PTPRT: variants seen among roughly 807,000 people sequenced by gnomAD.
The protein encoded by PTPRT is protein tyrosine phosphatase receptor type T.
A neutral mutation model predicts 176.8 loss-of-function variants in PTPRT; 56 were observed. That is an observed-to-expected ratio of 0.32 (90% CI 0.26 to 0.40). The LOEUF (loss-of-function observed/expected upper bound fraction) is 0.40, where lower values mean the gene tolerates loss of function less well. PTPRT is among the 10% of genes least tolerant of loss of function. PTPRT has a pLI of 1.00. For synonymous variants in PTPRT, 783 were observed against 739.0 expected (o/e 1.06, Z -0.96); for missense variants, 1,540 against 1,908.2 (o/e 0.81, Z 3.60).
intron 6 of PTPRT, among the ~76,000 whole-genome samples, chr20:42,754,675 G>C (rs2145398332): frequency 6.6e-6 from 1 of 152,310 alleles, no homozygotes; most frequent in South Asian, 2.1e-4. Flanking sequence ...AACATTTAAT[G>C]TAAACAAATT....
At chr20:43,147,634 A>T (rs772090929) in intron 1 of PTPRT, among the ~76,000 whole-genome samples, 1 of 152,210 alleles carries the variant, frequency 6.6e-6, no homozygotes, top group Non-Finnish European at 1.5e-5. Context: ...TCAAGTCTAT[A>T]TTGGAGAATT....
chr20:42,067,625 C>T, the PTPRT span, among the ~76,000 whole-genome samples: 5 of 152,152 alleles, frequency 3.3e-5, no homozygotes, highest in African/African-American at 1.2e-4. Context: ...TATGAGATGG[C>T]AGGACTCCTG....
intron 6 of PTPRT, among the ~76,000 whole-genome samples, chr20:42,742,837 GAGGCTCAGTCACGTGC>G (rs1366613192): frequency 6.6e-6 from 1 of 152,178 alleles, no homozygotes; most frequent in Middle Eastern, 3.2e-3. Context: ...TGGAGAAACT[GAGGCTCAGTCACGTGC>G]AGAGTTGCAT....
chr20:42,533,062 C>T (rs1031351096), intron 7 of PTPRT, among the ~76,000 whole-genome samples: 4 of 152,162 alleles, frequency 2.6e-5, no homozygotes, highest in Admixed American at 2.0e-4. Flanking sequence ...CTAAATGATC[C>T]TAAATGGCCT....
chr20:42,288,621 A>AT (rs1270961337), intron 12 of PTPRT, among the ~76,000 whole-genome samples: 1 of 151,782 alleles, frequency 6.6e-6, no homozygotes, highest in Admixed American at 6.6e-5. Context: ...GTGGCATTTG[A>AT]TTTTCTCTTT....
chr20:42,084,798 C>T lies in PTPRT; in HGVS notation c.4020G>A (p.Trp1340Ter). The T allele has an allele frequency of 6.5e-7, 1 of 1,547,408 alleles. No homozygotes were observed. The highest frequency in any genetic ancestry group is 1.3e-5 in the South Asian group (1 of 76,550). Residue 1340 changes from tryptophan (W) to a stop codon, truncating the protein, a stop_gained, in exon 29 of 31, where the codon TGG becomes TGA. Coordinates refer to ENST00000373187, the MANE Select transcript of PTPRT (RefSeq NM_007050.6). LOFTEE classifies it high-confidence loss of function. The stretch of plus-strand genomic sequence containing the variant: ...AGGGGGGCGTGTCCCGGTAGGCAGG[C>T]CAGCCAATGTACTGGAGGTGCTGGA... The part of the protein sequence containing the change: ...RIVQHLQYIG[W>*]PAYRDTPPSK...
chr20:42,760,539 G>A (rs922826611), intron 5 of PTPRT, among the ~76,000 whole-genome samples: 1 of 152,036 alleles, frequency 6.6e-6, no homozygotes, highest in African/African-American at 2.4e-5. Flanking sequence ...AGCTGAGCTT[G>A]ATAAACATTT....
intron 8 of PTPRT, among the ~76,000 whole-genome samples, chr20:42,452,042 G>A (rs11907808): frequency 0.14 from 21,773 of 152,138 alleles, 1,721 homozygotes; most frequent in Middle Eastern, 0.19. Flanking sequence ...AGGCCAAGGC[G>A]GGCAGATCAC....
intron 6 of PTPRT, among the ~76,000 whole-genome samples, chr20:42,708,543 C>T (rs1004689779): frequency 4.6e-5 from 7 of 152,154 alleles, no homozygotes; most frequent in African/African-American, 1.7e-4. Flanking sequence ...AACATAGACA[C>T]CGTATACTTG....
intron 7 of PTPRT, among the ~76,000 whole-genome samples, chr20:42,665,386 C>T (rs1322715827): frequency 1.3e-5 from 2 of 152,142 alleles, no homozygotes; most frequent in African/African-American, 4.8e-5. Flanking sequence ...ATCAAAACCA[C>T]AATGAGATAC....
At chr20:43,107,259 G>T (rs935022028) in intron 1 of PTPRT, among the ~76,000 whole-genome samples, 38 of 152,204 alleles carry the variant, frequency 2.5e-4, no homozygotes, top group Non-Finnish European at 2.9e-4. Context: ...TGCAGCTGGG[G>T]TGTGTGGCAG....
intron 15 of PTPRT, among the ~76,000 whole-genome samples, chr20:42,233,754 G>A (rs1461922618): frequency 6.6e-6 from 1 of 152,124 alleles, no homozygotes. Flanking sequence ...CTTGGGGTTG[G>A]TGAATATAAA....
intron 1 of PTPRT, among the ~76,000 whole-genome samples, chr20:42,928,971 A>G (rs1979660021): frequency 6.6e-6 from 1 of 152,236 alleles, no homozygotes; most frequent in Admixed American, 6.5e-5. Context: ...TGGAAATACT[A>G]GAATAACAAA....
At chr20:42,751,523 A>T (rs1379917234) in intron 6 of PTPRT, among the ~76,000 whole-genome samples, 9 of 152,128 alleles carry the variant, frequency 5.9e-5, no homozygotes, top group Admixed American at 5.9e-4. Flanking sequence ...GGGTGTTTCT[A>T]GGTGTTGCCA....
chr20:42,376,698 G>A (rs924052845), intron 9 of PTPRT, among the ~76,000 whole-genome samples: 1 of 152,132 alleles, frequency 6.6e-6, no homozygotes, highest in Non-Finnish European at 1.5e-5. Context: ...GGAGTAAGAA[G>A]CTCCTAAGCA....
intron 16 of PTPRT, among the ~76,000 whole-genome samples, chr20:42,191,628 A>G (rs899911211): frequency 6.6e-6 from 1 of 152,232 alleles, no homozygotes; most frequent in African/African-American, 2.4e-5. Context: ...GCACAGAGGT[A>G]GCTGCAGTCA....
chr20:42,504,040 C>G (rs1489755202), intron 7 of PTPRT, among the ~76,000 whole-genome samples: 4 of 152,100 alleles, frequency 2.6e-5, no homozygotes, highest in Non-Finnish European at 5.9e-5. Flanking sequence ...TCAGCCCTTA[C>G]CAACATCAGG....
At chr20:42,269,816 G>A (rs1457425332) in intron 13 of PTPRT, among the ~76,000 whole-genome samples, 2 of 152,194 alleles carry the variant, frequency 1.3e-5, no homozygotes, top group African/African-American at 2.4e-5. Flanking sequence ...GAAAAGTCAG[G>A]CTGATCATGG....
intron 9 of PTPRT, among the ~76,000 whole-genome samples, chr20:42,430,608 G>A (rs2059207748): frequency 6.6e-6 from 1 of 152,188 alleles, no homozygotes; most frequent in African/African-American, 2.4e-5. Context: ...GTAGAAACCT[G>A]GCTGCGAGTC....
Sources: gnomAD v4.1 joint callset for allele counts (sites outside exome capture counted in the v4.1 genomes callset) on GRCh38, gnomAD v4.1.1 for gene constraint, MANE v1.5 for transcripts, NCBI Gene and HGNC (gene_info 2026-07-23, HGNC 2026-07-21) for gene names.